The following RGS12 variants were observed in gnomAD, a reference collection of about 807,000 sequenced individuals.
RGS12 encodes the protein regulator of G-protein signaling 12.
A neutral mutation model predicts 120.1 loss-of-function variants in RGS12; 66 were observed. The ratio of observed to expected loss-of-function variants is 0.55; its 90% CI spans 0.45 to 0.67. RGS12 has a LOEUF of 0.67. Ranked by LOEUF, RGS12 falls within the 30% of genes least tolerant of loss-of-function variation. RGS12 has a pLI of 0.00. For synonymous variants in RGS12, 827 were observed against 804.7 expected, an observed-to-expected ratio of 1.03 and a Z score of -0.47; for missense variants, 1,859 against 1,957.7, an observed-to-expected ratio of 0.95 and a Z score of 0.95.
At chr4:3,299,626 G>A (rs1723567126) in intron 1 of RGS12, among the ~76,000 whole-genome samples, 1 of 152,162 alleles carries the variant, frequency 6.6e-6, no homozygotes, top group Non-Finnish European at 1.5e-5. Context: ...CAGTTTGCTT[G>A]TTTTTCTCAT....
At chr4:3,356,231 T>G (rs1456242866) in intron 3 of RGS12, among the ~76,000 whole-genome samples, 1 of 151,942 alleles carries the variant, frequency 6.6e-6, no homozygotes, top group African/African-American at 2.4e-5. Context: ...ATTTTTGTAT[T>G]TTTTGTAGAG....
At chr4:3,429,706 G>A (rs1724037299) in intron 16 of RGS12, among the ~76,000 whole-genome samples, 1 of 152,234 alleles carries the variant, frequency 6.6e-6, no homozygotes, top group Non-Finnish European at 1.5e-5. Context: ...GAAGCTGGAG[G>A]CACCTGCAGG....
chr4:3,296,184 CTTT>C (rs1486150822), intron 1 of RGS12, among the ~76,000 whole-genome samples: 3 of 152,128 alleles, frequency 2.0e-5, no homozygotes, highest in African/African-American at 7.2e-5. Flanking sequence ...TTCTCCTCCT[CTTT>C]ATTTTCTCCT....
At chr4:3,431,097 T>G (rs1435969798) in intron 17 of RGS12, 142 bp downstream of exon 17, 1 of 1,444,074 alleles carries the variant, frequency 6.9e-7, no homozygotes, top group African/African-American at 1.4e-5. Context: ...GGTTGGGGGC[T>G]TCCTTGGCCC....
rs572139763 is a variant in RGS12 at position 3,321,783 on chromosome 4, T to C, written c.1881+3732T>C. Among the ~76,000 whole-genome samples, 212 of 152,366 alleles carry C rather than the reference T, an allele frequency of 1.4e-3. 1 individual carries two copies. Among genetic ancestry groups the C allele is most frequent in the Admixed American group, 2.5e-3 (39 of 15,312 alleles). ...CCCAGGCCTGGGCAGGGGCCCCTGC[T>C]GACGGTGTCCTTGGCTTAGGCACTC... On this transcript the variant is annotated intron_variant, in intron 2 of 17. Coordinates refer to ENST00000336727, the MANE Select transcript of RGS12 (RefSeq NM_001394154.1).
chr4:3,425,814 C>T lies in RGS12; in HGVS notation c.3331+254C>T, dbSNP rs558502720. Among the ~76,000 whole-genome samples, 15 of 8,938 alleles carry T rather than the reference C, an allele frequency of 1.7e-3. 1 individual carries two copies. The highest frequency in any genetic ancestry group is 9.7e-3 in the African/African-American group (15 of 1,548). The allele number at this position is 8,938 out of a possible 152,430, so 5.9% of individuals were successfully genotyped here. On this transcript the variant is annotated intron_variant, in intron 14 of 17. Coordinates refer to ENST00000336727, the MANE Select transcript of RGS12 (RefSeq NM_001394154.1). ...GCCAGTGCAGGGGAGGGGGCTGTGG[C>T]GTTGGCATAGGGGAGAGGGCGAGCG...
intron 1 of RGS12, among the ~76,000 whole-genome samples, chr4:3,296,933 C>G (rs541274813): frequency 2.0e-5 from 3 of 152,332 alleles, no homozygotes; most frequent in Admixed American, 2.0e-4. Context: ...CTGGATACTC[C>G]ACACAGTGCT....
chr4:3,335,536 G>A (rs1183759213), intron 2 of RGS12, among the ~76,000 whole-genome samples: 2 of 152,112 alleles, frequency 1.3e-5, no homozygotes, highest in African/African-American at 4.8e-5. Flanking sequence ...GGCGCTCCCC[G>A]GAGCTGGCAA....
chr4:3,436,981 A>C lies in RGS12; in HGVS notation c.4115-2474A>C, dbSNP rs78557251. 8.6e-3 allele frequency among the ~76,000 whole-genome samples: 1,306 copies of C among 152,336 alleles called. 29 individuals carry two copies. The East Asian group carries it at 0.1, about 12-fold the overall frequency. On this transcript the variant is annotated intron_variant, in intron 17 of 17. Transcript: ENST00000336727. Reference sequence around the variant, plus strand: ...AGGTCTGGATGTTTGGAGATGTGGCACCAGGAGTGAGACCAGGAGGCCAGG... The same window carrying C: ...AGGTCTGGATGTTTGGAGATGTGGCCCCAGGAGTGAGACCAGGAGGCCAGG...
chr4:3,289,678 A>T (rs78223397), upstream of RGS12, among the ~76,000 whole-genome samples: 25 of 152,302 alleles, frequency 1.6e-4, no homozygotes, highest in East Asian at 4.8e-3. Flanking sequence ...TGTGATGAGT[A>T]CATTTAAAAT....
upstream of RGS12, among the ~76,000 whole-genome samples, chr4:3,289,784 C>CT (rs1203139076): frequency 3.9e-5 from 6 of 152,208 alleles, no homozygotes; most frequent in Non-Finnish European, 8.8e-5. Context: ...ATAGCTGAAA[C>CT]TTTGTGCCCT....
At chr4:3,330,047 C>T (rs1193928022) in intron 2 of RGS12, among the ~76,000 whole-genome samples, 1 of 152,202 alleles carries the variant, frequency 6.6e-6, no homozygotes, top group Non-Finnish European at 1.5e-5. Context: ...CCGCCTGGTT[C>T]TTTCTTGCTG....
chr4:3,379,240 C>A (rs1718022973), intron 3 of RGS12, among the ~76,000 whole-genome samples: 1 of 152,128 alleles, frequency 6.6e-6, no homozygotes, highest in Non-Finnish European at 1.5e-5. Flanking sequence ...ACACAGGATA[C>A]AGACTTCCAA....
intron 1 of RGS12, among the ~76,000 whole-genome samples, chr4:3,304,404 C>G (rs557623746): frequency 1.1e-3 from 165 of 152,252 alleles, no homozygotes; most frequent in Non-Finnish European, 1.8e-3. Flanking sequence ...TCTTGAGAAC[C>G]AGGTAGTTTT....
At chr4:3,410,588 C>T (rs547600110) in intron 4 of RGS12, among the ~76,000 whole-genome samples, 40 of 152,294 alleles carry the variant, frequency 2.6e-4, no homozygotes, top group African/African-American at 8.9e-4. Flanking sequence ...CAGCAGTAGC[C>T]GGCTCTGGGC....
rs571060343 is a variant in RGS12 at position 3,317,801 on chromosome 4, G to A, written c.1631G>A (p.Arg544Gln). Reference sequence around the variant, plus strand: ...CGCTGGCTCCCGGTCCACGTGCTCCGGGAGTGGCAGTGCGGACACACCAGC... The same window carrying A: ...CGCTGGCTCCCGGTCCACGTGCTCCAGGAGTGGCAGTGCGGACACACCAGC... ...NQRWLPVHVLREWQCGHTSDQ... is the reference protein window; with the variant it reads ...NQRWLPVHVLQEWQCGHTSDQ... The change falls in exon 2 of 18, where the codon CGG becomes CAG. Residue 544 changes from arginine (R) to glutamine (Q), a missense_variant. By Grantham distance (43) the Arg-to-Gln change is conservative. Coordinates refer to ENST00000336727, the MANE Select transcript of RGS12 (RefSeq NM_001394154.1). 1.1e-5 allele frequency: 18 copies of A among 1,613,318 alleles called. No individual in the cohort carries two copies. The South Asian group carries it at 1.4e-4, about 13-fold the overall frequency.
At chr4:3,406,103 C>T (rs562803043) in intron 4 of RGS12, among the ~76,000 whole-genome samples, 8 of 152,274 alleles carry the variant, frequency 5.3e-5, no homozygotes, top group Admixed American at 3.9e-4. Context: ...CTCACAACAG[C>T]CCTGCAAGCC....
At chr4:3,348,309 C>T (rs1370440610) in intron 3 of RGS12, among the ~76,000 whole-genome samples, 1 of 152,062 alleles carries the variant, frequency 6.6e-6, no homozygotes, top group African/African-American at 2.4e-5. Flanking sequence ...CTCAGTTTTC[C>T]TACAAAATAA....
chr4:3,298,943 C>T (rs549006357), intron 1 of RGS12, among the ~76,000 whole-genome samples: 51 of 152,302 alleles, frequency 3.3e-4, no homozygotes, highest in African/African-American at 1.2e-3. Context: ...AATTTCAACA[C>T]CTGCATTACC....
Sources: gnomAD v4.1 joint callset for allele counts (sites outside exome capture counted in the v4.1 genomes callset) on GRCh38, gnomAD v4.1.1 for gene constraint, MANE v1.5 for transcripts, NCBI Gene and HGNC (gene_info 2026-07-23, HGNC 2026-07-21) for gene names.